The following CAST variants were observed in gnomAD, a reference collection of about 807,000 sequenced individuals.
The protein encoded by CAST is calpastatin.
In CAST, 76 loss-of-function variants were observed where a neutral mutation model predicts 119.6. The ratio of observed to expected loss-of-function variants is 0.64; its 90% CI spans 0.53 to 0.77. CAST has a LOEUF of 0.77. Ranked by LOEUF, CAST falls within the 30% of genes least tolerant of loss-of-function variation. CAST has a pLI of 0.00. For missense variants in CAST, 953 were observed against 946.5 expected (o/e 1.01, Z -0.09); for synonymous variants, 319 against 331.6 (o/e 0.96, Z 0.41).
chr5:96,625,119 C>G (rs956556709), intron 1 of CAST, among the ~76,000 whole-genome samples: 1 of 152,202 alleles, frequency 6.6e-6, no homozygotes, highest in Non-Finnish European at 1.5e-5. Context: ...ATTCTGTGAG[C>G]AGCAATAAAG....
At chr5:96,241,265 A>G in the CAST span, among the ~76,000 whole-genome samples, 1 of 131,702 alleles carries the variant, frequency 7.6e-6, no homozygotes, top group Non-Finnish European at 1.5e-5. Context: ...TCCTATGTCC[A>G]TATGTTCTCA....
chr5:96,769,391 T>A (rs1442671539), intron 29 of CAST: 1 of 135,488 alleles, frequency 7.4e-6, no homozygotes, highest in African/African-American at 2.6e-5. Flanking sequence ...ACAGGGTTTT[T>A]TTTTGTTTTT....
intron 1 of CAST, among the ~76,000 whole-genome samples, chr5:96,615,120 A>G (rs1484499135): frequency 6.6e-6 from 1 of 152,230 alleles, no homozygotes; most frequent in Non-Finnish European, 1.5e-5. Context: ...AATACATTAC[A>G]TGAGATATTC....
chr5:96,160,039 C>T, the CAST span, among the ~76,000 whole-genome samples: 1 of 151,822 alleles, frequency 6.6e-6, no homozygotes, highest in African/African-American at 2.4e-5. Context: ...ACTTGGGAGC[C>T]TGAGGCATGA....
the CAST span, chr5:96,393,223 C>T: frequency 8.7e-6 from 14 of 1,613,970 alleles, no homozygotes; most frequent in East Asian, 6.7e-5. Flanking sequence ...ATTGCTTTGG[C>T]GGTGAGTTTT....
chr5:96,033,082 A>G, the CAST span, among the ~76,000 whole-genome samples: 3 of 152,158 alleles, frequency 2.0e-5, no homozygotes, highest in Admixed American at 2.0e-4. Flanking sequence ...TAATACAAGT[A>G]TCTACAAAAA....
rs1224783502 is a variant in CAST, at chr5:96,750,647, A to G, written c.1489A>G (p.Ser497Gly). 5.0e-6 allele frequency: 8 copies of G among 1,613,394 alleles called. No individual in the cohort carries two copies. The highest frequency in any genetic ancestry group is 2.2e-5 in the East Asian group (1 of 44,864). Residue 497 changes from serine to glycine, a missense_variant, in exon 20 of 32, where the codon AGT becomes GGT. Ser to Gly is a moderately conservative substitution (Grantham distance 56). Coordinates refer to ENST00000675179, the MANE Select transcript of CAST (RefSeq NM_001750.7). Reference sequence around the variant, plus strand: ...GGCTGTGTGTCGGACCTCCATGTGTAGTATACAGTCAGCACCCCCTGAGCC... The same window carrying G: ...GGCTGTGTGTCGGACCTCCATGTGTGGTATACAGTCAGCACCCCCTGAGCC... ...SEAVCRTSMC[S>G]IQSAPPEPAT...
At chr5:96,662,347 G>A, upstream of CAST, 3 of 948,056 alleles carry the variant, frequency 3.2e-6, no homozygotes, top group South Asian at 7.0e-5. Flanking sequence ...CTCTCTCCCT[G>A]GCAGGACTCC....
chr5:96,528,670 A>G (rs1745637740), upstream of CAST, among the ~76,000 whole-genome samples: 1 of 152,242 alleles, frequency 6.6e-6, no homozygotes, highest in South Asian at 2.1e-4. Flanking sequence ...GAAATAGGGT[A>G]TTATGATAAT....
At chr5:96,738,958 G>A (rs1390389763) in intron 11 of CAST, among the ~76,000 whole-genome samples, 3 of 147,036 alleles carry the variant, frequency 2.0e-5, no homozygotes, top group African/African-American at 5.0e-5. Flanking sequence ...AAAAAGACAC[G>A]CCATAGGCTA....
the CAST span, among the ~76,000 whole-genome samples, chr5:96,057,354 G>T: frequency 6.6e-6 from 1 of 152,154 alleles, no homozygotes; most frequent in African/African-American, 2.4e-5. Flanking sequence ...GAAAGTTTTT[G>T]ACTATTTTGA....
intron 1 of CAST, among the ~76,000 whole-genome samples, chr5:96,594,410 AT>A (rs1300987318): frequency 1.3e-5 from 2 of 152,322 alleles, no homozygotes; most frequent in African/African-American, 4.8e-5. Context: ...CTTGTGGAGC[AT>A]TTCTACTGTT....
At chr5:96,199,223 C>CT in the CAST span, among the ~76,000 whole-genome samples, 1 of 152,008 alleles carries the variant, frequency 6.6e-6, no homozygotes, top group South Asian at 2.1e-4. Context: ...ATGGATATAT[C>CT]TCATCATTTT....
the CAST span, chr5:96,248,111 C>T: frequency 6.6e-6 from 1 of 152,230 alleles, no homozygotes; most frequent in Non-Finnish European, 1.5e-5. Flanking sequence ...AATACACCTA[C>T]CGAAAATGCT....
chr5:96,359,660 C>T, the CAST span, among the ~76,000 whole-genome samples: 1 of 152,090 alleles, frequency 6.6e-6, no homozygotes, highest in Non-Finnish European at 1.5e-5. Context: ...GAATATTGGC[C>T]CCCATTCTAT....
chr5:96,583,275 T>G (rs1746798708), intron 1 of CAST, among the ~76,000 whole-genome samples: 1 of 152,102 alleles, frequency 6.6e-6, no homozygotes, highest in Non-Finnish European at 1.5e-5. Context: ...GAGTTGTATT[T>G]GAATTGAATC....
At chr5:96,238,393 T>C in the CAST span, among the ~76,000 whole-genome samples, 150 of 38,996 alleles carry the variant, frequency 3.8e-3, 2 homozygotes, top group East Asian at 0.053. Flanking sequence ...TCCTTCTTCT[T>C]CTTCTTTTTT....
chr5:96,138,950 C>T, the CAST span, among the ~76,000 whole-genome samples: 1 of 151,860 alleles, frequency 6.6e-6, no homozygotes, highest in East Asian at 1.9e-4. Flanking sequence ...ACTAGGACTT[C>T]TGGTACAATG....
chr5:96,143,403 C>A, the CAST span, among the ~76,000 whole-genome samples: 2 of 152,314 alleles, frequency 1.3e-5, no homozygotes, highest in East Asian at 3.9e-4. Context: ...CCTTCTCCAG[C>A]ATCTTCCCCC....
Sources: gnomAD v4.1 joint callset for allele counts (sites outside exome capture counted in the v4.1 genomes callset) on GRCh38, gnomAD v4.1.1 for gene constraint, MANE v1.5 for transcripts, NCBI Gene and HGNC (gene_info 2026-07-23, HGNC 2026-07-21) for gene names.